The following TRPS1 variants were observed in gnomAD, a reference collection of about 807,000 sequenced individuals.
TRPS1 encodes the protein zinc finger transcription factor Trps1.
TRPS1 carries 6 observed loss-of-function variants against 101.2 expected under a neutral mutation model. That is an observed-to-expected ratio of 0.06 (90% CI 0.03 to 0.12). The LOEUF is 0.12. TRPS1 is among the 10% of genes least tolerant of loss of function. TRPS1 has a pLI of 1.00. For missense variants in TRPS1, 1,363 were observed against 1,567.0 expected, an observed-to-expected ratio of 0.87 and a Z score of 2.20; for synonymous variants, 578 against 589.8, an observed-to-expected ratio of 0.98 and a Z score of 0.29.
chr8:115,558,806 C>T (rs1045113699), intron 5 of TRPS1, among the ~76,000 whole-genome samples: 13 of 151,948 alleles, frequency 8.6e-5, no homozygotes, highest in East Asian at 1.9e-4. Context: ...AAGAAAGCAC[C>T]GTGTTAATGA....
At chr8:115,520,271 C>T (rs901526205) in intron 5 of TRPS1, among the ~76,000 whole-genome samples, 3 of 151,620 alleles carry the variant, frequency 2.0e-5, no homozygotes, top group Non-Finnish European at 4.4e-5. Flanking sequence ...ACATTTTGTG[C>T]CCTAGGAGAT....
At chr8:115,553,312 C>A (rs572003297) in intron 5 of TRPS1, among the ~76,000 whole-genome samples, 1 of 152,140 alleles carries the variant, frequency 6.6e-6, no homozygotes, top group African/African-American at 2.4e-5. Context: ...ATGCCCAGAT[C>A]AGAATCTTGA....
intron 3 of TRPS1, among the ~76,000 whole-genome samples, chr8:115,606,194 T>C (rs1261586474): frequency 6.6e-6 from 1 of 152,162 alleles, no homozygotes; most frequent in Non-Finnish European, 1.5e-5. Context: ...AAAGGCTCTA[T>C]TTGAAATGCA....
chr8:115,623,691 G>A lies in TRPS1; in HGVS notation c.-54C>T, dbSNP rs2130543717. 2 of 1,598,098 alleles carry A rather than the reference G, an allele frequency of 1.3e-6. No homozygotes were observed. The highest frequency in any genetic ancestry group is 4.5e-5 in the East Asian group (2 of 44,422). On this transcript the variant is annotated 5_prime_UTR_variant, in exon 2 of 7. Transcript: ENST00000395715. ...TAATTCTATTAGTCAACTAGCAGGA[G>A]GCTAATGCAATTGTCTTAGAAGACG...
At chr8:115,415,331 A>C (rs1344794312) in intron 6 of TRPS1, among the ~76,000 whole-genome samples, 2 of 152,170 alleles carry the variant, frequency 1.3e-5, no homozygotes, top group Non-Finnish European at 1.5e-5. Flanking sequence ...ATCTACTTGA[A>C]AATAACCTTT....
intron 5 of TRPS1, among the ~76,000 whole-genome samples, chr8:115,424,645 A>T (rs1286253612): frequency 2.0e-5 from 3 of 152,212 alleles, no homozygotes; most frequent in Admixed American, 2.0e-4. Flanking sequence ...CATAAATCTC[A>T]TTTAGAGGCT....
At chr8:115,429,528 T>C (rs927812783) in intron 5 of TRPS1, among the ~76,000 whole-genome samples, 2 of 152,148 alleles carry the variant, frequency 1.3e-5, no homozygotes, top group Non-Finnish European at 1.5e-5. Context: ...AAGTAAGAAC[T>C]ACCTCATCGC....
At chr8:115,452,925 C>G (rs558805453) in intron 5 of TRPS1, among the ~76,000 whole-genome samples, 1 of 152,262 alleles carries the variant, frequency 6.6e-6, no homozygotes, top group Admixed American at 6.5e-5. Context: ...AGATTTTTAA[C>G]TAACCTAGGC....
chr8:115,656,093 G>C (rs1451366075), intron 1 of TRPS1, among the ~76,000 whole-genome samples: 1 of 152,112 alleles, frequency 6.6e-6, no homozygotes, highest in Non-Finnish European at 1.5e-5. Flanking sequence ...CATGGGTAAT[G>C]TATTAGAGAT....
chr8:115,631,397 T>C (rs1818637489), intron 1 of TRPS1, among the ~76,000 whole-genome samples: 1 of 152,092 alleles, frequency 6.6e-6, no homozygotes, highest in Non-Finnish European at 1.5e-5. Flanking sequence ...TAATTCAATA[T>C]ATATAAATAG....
At chr8:115,532,623 T>C (rs958459942) in intron 5 of TRPS1, among the ~76,000 whole-genome samples, 4 of 152,182 alleles carry the variant, frequency 2.6e-5, no homozygotes, top group African/African-American at 9.6e-5. Context: ...AGGGTTGAGC[T>C]GAGTTCTGAA....
At chr8:115,631,200 T>C (rs549350460) in intron 1 of TRPS1, among the ~76,000 whole-genome samples, 9 of 152,224 alleles carry the variant, frequency 5.9e-5, no homozygotes, top group African/African-American at 1.7e-4. Context: ...ACCTTGTGCA[T>C]ATCTTCTCTC....
intron 4 of TRPS1, among the ~76,000 whole-genome samples, chr8:115,599,067 T>C (rs1337294451): frequency 6.6e-6 from 1 of 152,220 alleles, no homozygotes; most frequent in Non-Finnish European, 1.5e-5. Context: ...CTACTCTCTA[T>C]TCTGTACATT....
At chr8:115,448,248 G>A (rs944834466) in intron 5 of TRPS1, among the ~76,000 whole-genome samples, 1 of 152,080 alleles carries the variant, frequency 6.6e-6, no homozygotes, top group South Asian at 2.1e-4. Flanking sequence ...CACATTGCTC[G>A]TATTGTTTTA....
At chr8:115,572,438 C>T (rs1817225804) in intron 5 of TRPS1, among the ~76,000 whole-genome samples, 1 of 102,322 alleles carries the variant, frequency 9.8e-6, no homozygotes. Context: ...TAAATTTCTA[C>T]AACATTTTGC....
chr8:115,605,910 C>A (rs891920216), intron 3 of TRPS1, among the ~76,000 whole-genome samples: 2 of 152,134 alleles, frequency 1.3e-5, no homozygotes, highest in African/African-American at 2.4e-5. Flanking sequence ...TCAGTGTGCA[C>A]CTCAATAGGC....
intron 5 of TRPS1, among the ~76,000 whole-genome samples, chr8:115,439,877 A>G (rs1009677048): frequency 3.3e-5 from 5 of 152,320 alleles, no homozygotes; most frequent in Admixed American, 2.6e-4. Flanking sequence ...CACATTGCAG[A>G]GACAGCAACA....
intron 3 of TRPS1, among the ~76,000 whole-genome samples, chr8:115,615,816 A>T (rs1272184896): frequency 6.6e-6 from 1 of 152,026 alleles, no homozygotes; most frequent in Non-Finnish European, 1.5e-5. Flanking sequence ...TTTTTTAAGA[A>T]CTCGATCTCT....
At chr8:115,656,874 C>T (rs930014108) in intron 1 of TRPS1, among the ~76,000 whole-genome samples, 1 of 151,810 alleles carries the variant, frequency 6.6e-6, no homozygotes, top group Non-Finnish European at 1.5e-5. Context: ...TAAGAAAACC[C>T]CGAAAAGATA....
Sources: gnomAD v4.1 joint callset for allele counts (sites outside exome capture counted in the v4.1 genomes callset) on GRCh38, gnomAD v4.1.1 for gene constraint, MANE v1.5 for transcripts, NCBI Gene and HGNC (gene_info 2026-07-23, HGNC 2026-07-21) for gene names.